Variants in NDST4 observed in about 807,000 individuals in gnomAD.
NDST4 encodes the protein N-deacetylase and N-sulfotransferase 4.
NDST4 carries 63 observed loss-of-function variants against 100.8 expected under a neutral mutation model. The ratio of observed to expected loss-of-function variants is 0.62; its 90% CI spans 0.51 to 0.77. The LOEUF (loss-of-function observed/expected upper bound fraction) is 0.77, where lower values mean the gene tolerates loss of function less well. Among genes scored for constraint, NDST4 ranks in the 30% least tolerant of loss-of-function variants. The pLI, the probability that NDST4 is intolerant of heterozygous loss-of-function variation, is 0.00. For synonymous variants in NDST4, 377 were observed against 361.8 expected (o/e 1.04, Z -0.48); for missense variants, 943 against 1,018.4 (o/e 0.93, Z 1.01).
intron 6 of NDST4, among the ~76,000 whole-genome samples, chr4:114,872,392 G>A (rs1408286076): frequency 6.6e-6 from 1 of 151,882 alleles, no homozygotes; most frequent in Non-Finnish European, 1.5e-5. Context: ...AACAAACACA[G>A]GCATATACGT....
intron 7 of NDST4, among the ~76,000 whole-genome samples, chr4:114,856,453 T>C (rs1454757463): frequency 2.0e-5 from 3 of 152,202 alleles, no homozygotes; most frequent in African/African-American, 7.2e-5. Flanking sequence ...ATTAAGAATG[T>C]TTTTCTTTGA....
chr4:114,987,604 A>G (rs1726941983), intron 2 of NDST4, among the ~76,000 whole-genome samples: 1 of 152,162 alleles, frequency 6.6e-6, no homozygotes, highest in Non-Finnish European at 1.5e-5. Flanking sequence ...ATGGGTCACT[A>G]TAAATTTGGG....
intron 6 of NDST4, among the ~76,000 whole-genome samples, chr4:114,875,941 T>C (rs987534220): frequency 6.6e-6 from 1 of 152,210 alleles, no homozygotes. Flanking sequence ...CATTTTTAAA[T>C]TGAAATTAAA....
At chr4:115,098,871 T>G (rs896171502) in intron 1 of NDST4, among the ~76,000 whole-genome samples, 1 of 152,108 alleles carries the variant, frequency 6.6e-6, no homozygotes. Context: ...TGCTAATTTT[T>G]TTTATATACA....
At chr4:114,922,596 C>A (rs1248923296) in intron 6 of NDST4, among the ~76,000 whole-genome samples, 1 of 152,186 alleles carries the variant, frequency 6.6e-6, no homozygotes, top group Non-Finnish European at 1.5e-5. Context: ...CCCTCCTGCT[C>A]TGAAGCTTGC....
chr4:115,034,523 A>G (rs932882757), intron 2 of NDST4, among the ~76,000 whole-genome samples: 5 of 152,136 alleles, frequency 3.3e-5, no homozygotes, highest in Non-Finnish European at 7.3e-5. Flanking sequence ...TTTGAGTCAC[A>G]TTTGAAGTGC....
At chr4:115,031,162 C>T (rs1728106830) in intron 2 of NDST4, among the ~76,000 whole-genome samples, 2 of 152,044 alleles carry the variant, frequency 1.3e-5, no homozygotes, top group Admixed American at 6.6e-5. Flanking sequence ...TCTTCAACTC[C>T]CCAGCCCAGA....
intron 6 of NDST4, among the ~76,000 whole-genome samples, chr4:114,880,530 T>A (rs1724345221): frequency 6.6e-6 from 1 of 152,108 alleles, no homozygotes; most frequent in Admixed American, 6.6e-5. Flanking sequence ...TAGTAATCAG[T>A]GTAAGCTTCA....
chr4:115,053,065 C>T (rs766540688), intron 2 of NDST4, among the ~76,000 whole-genome samples: 1 of 152,008 alleles, frequency 6.6e-6, no homozygotes, highest in Non-Finnish European at 1.5e-5. Flanking sequence ...ATTAGGGTGG[C>T]GAGCATGTGC....
intron 7 of NDST4, among the ~76,000 whole-genome samples, chr4:114,857,252 G>A (rs142418470): frequency 2.4e-4 from 37 of 152,312 alleles, no homozygotes; most frequent in African/African-American, 8.2e-4. Flanking sequence ...TATCCAAGAA[G>A]AGAGTGCTAT....
intron 6 of NDST4, among the ~76,000 whole-genome samples, chr4:114,892,112 T>C (rs947977781): frequency 1.3e-5 from 2 of 152,102 alleles, no homozygotes; most frequent in Non-Finnish European, 2.9e-5. Flanking sequence ...TTTTACCAGG[T>C]GTAACCTAAT....
intron 1 of NDST4, among the ~76,000 whole-genome samples, chr4:115,112,396 A>C (rs1229310750): frequency 6.6e-6 from 1 of 151,880 alleles, no homozygotes; most frequent in African/African-American, 2.4e-5. Context: ...ACACATCAGT[A>C]TCTTGGTATG....
At chr4:115,055,924 G>A (rs548353818) in intron 2 of NDST4, among the ~76,000 whole-genome samples, 11 of 152,044 alleles carry the variant, frequency 7.2e-5, no homozygotes, top group African/African-American at 1.9e-4. Flanking sequence ...CAGCAATATC[G>A]TTCATCAGAT....
chr4:114,986,832 A>ATATATATATATTTTTTT lies in NDST4; in HGVS notation c.979-9559_979-9558insAAAAAAATATATATATA. Reference sequence around the variant, plus strand: ...TATATATATATATATATATATATATATTTTAATATACTATTCCTATAAGCT... The same window carrying ATATATATATATTTTTTT: ...TATATATATATATATATATATATATATATATATATATTTTTTTTTTTAATATACTATTCCTATAAGCT... On this transcript the variant is annotated intron_variant, in intron 2 of 13. Transcript: ENST00000264363. Among the ~76,000 whole-genome samples, 32 of 94,652 alleles carry ATATATATATATTTTTTT rather than the reference A, an allele frequency of 3.4e-4. 1 individual carries two copies. The highest frequency in any genetic ancestry group is 7.2e-4 in the Admixed American group (6 of 8,386). 62.1% of individuals were successfully genotyped at this position (94,652 alleles called of 152,430 possible). A position where few individuals can be genotyped will look rare whatever the true frequency, so the allele number is the denominator to read the frequency against.
At chr4:114,979,851 A>G (rs557762555) in intron 2 of NDST4, among the ~76,000 whole-genome samples, 2 of 150,860 alleles carry the variant, frequency 1.3e-5, no homozygotes, top group Non-Finnish European at 3.0e-5. Flanking sequence ...AAAACGAATG[A>G]AAAAAAAGCA....
chr4:115,012,203 T>A (rs1267405299), intron 2 of NDST4, among the ~76,000 whole-genome samples: 1 of 152,038 alleles, frequency 6.6e-6, no homozygotes, highest in Non-Finnish European at 1.5e-5. Flanking sequence ...ATTTATCAAT[T>A]TTATAACCTA....
chr4:114,894,207 G>A (rs58381768), intron 6 of NDST4, among the ~76,000 whole-genome samples: 7,233 of 152,168 alleles, frequency 0.048, 538 homozygotes, highest in African/African-American at 0.16. Flanking sequence ...GCTTAAGATT[G>A]TCTTGTCTAT....
At chr4:114,967,034 G>A (rs972707757) in intron 4 of NDST4, among the ~76,000 whole-genome samples, 2 of 152,106 alleles carry the variant, frequency 1.3e-5, no homozygotes, top group African/African-American at 4.8e-5. Context: ...TATCCAGTTA[G>A]TGTTTCTGCT....
chr4:114,981,287 G>A (rs1726767036), intron 2 of NDST4, among the ~76,000 whole-genome samples: 1 of 152,050 alleles, frequency 6.6e-6, no homozygotes, highest in Non-Finnish European at 1.5e-5. Flanking sequence ...GAAAAAGAAT[G>A]AGAGTCCAAC....
Sources: gnomAD v4.1 joint callset for allele counts (sites outside exome capture counted in the v4.1 genomes callset) on GRCh38, gnomAD v4.1.1 for gene constraint, MANE v1.5 for transcripts, NCBI Gene and HGNC (gene_info 2026-07-23, HGNC 2026-07-21) for gene names.